TIAM2: variants seen among roughly 807,000 people sequenced by gnomAD.
TIAM2 encodes rho guanine nucleotide exchange factor TIAM2.
Under a neutral mutation model 152.9 loss-of-function variants are expected in TIAM2, and 80 were observed. The observed-to-expected ratio is 0.52, with a 90% CI of 0.44 to 0.63. The LOEUF (loss-of-function observed/expected upper bound fraction) is 0.63. Ranked by LOEUF, TIAM2 falls within the 30% of genes least tolerant of loss-of-function variation. The pLI, the probability that TIAM2 is intolerant of heterozygous loss-of-function variation, is 0.00. For missense variants in TIAM2, 1,965 were observed against 2,120.1 expected, an observed-to-expected ratio of 0.93 and a Z score of 1.44; for synonymous variants, 804 against 838.0, an observed-to-expected ratio of 0.96 and a Z score of 0.70.
chr6:155,254,508 T>C lies in TIAM2; in HGVS notation c.4403T>C (p.Leu1468Pro), dbSNP rs2115367039. 1 of 1,614,184 alleles carries C rather than the reference T, an allele frequency of 6.2e-7. No homozygotes were observed. Among genetic ancestry groups the C allele is most frequent in the East Asian group, 2.2e-5 (1 of 44,890 alleles). The part of the protein sequence containing the change: ...FRRHIKCELP[L>P]EKTCKDRLVP... ...CGTCACATAAAGTGTGAATTACCAC[T>C]GGAGAAAACGTGTAAGGATCGCCTG... is the stretch of plus-strand genomic sequence containing the variant. Residue 1468 changes from leucine to proline, a missense_variant, in exon 26 of 27, where the codon CTG (leucine) becomes CCG (proline). This residue lies in a region of TIAM2 where 935 missense variants were observed against 980.0 expected (regional missense o/e 0.95). Transcript: ENST00000682666.
chr6:155,079,126 A>T (rs1055292723), intron 1 of TIAM2, among the ~76,000 whole-genome samples: 3 of 151,628 alleles, frequency 2.0e-5, no homozygotes, highest in Non-Finnish European at 4.4e-5. Context: ...CAGTGGTGCG[A>T]TCTCGGCTCA....
intron 14 of TIAM2, among the ~76,000 whole-genome samples, chr6:155,189,909 C>A (rs74614727): frequency 0.042 from 6,460 of 152,112 alleles, 204 homozygotes; most frequent in African/African-American, 0.085. Context: ...GGCCATGGAC[C>A]TGGAGGTGTG....
At chr6:155,026,132 T>C (rs1776597305) in intron 1 of TIAM2, among the ~76,000 whole-genome samples, 2 of 152,172 alleles carry the variant, frequency 1.3e-5, no homozygotes, top group Non-Finnish European at 2.9e-5. Flanking sequence ...GGCATTCAGC[T>C]TTGTCTTCTT....
At chr6:155,179,224 A>C in intron 11 of TIAM2, 81 bp downstream of exon 11, 1 of 1,483,152 alleles carries the variant, frequency 6.7e-7, no homozygotes, top group South Asian at 1.2e-5. Context: ...TTTTTGGGGA[A>C]AATTCTGTTT....
At position 155,244,025 on chromosome 6, in the gene TIAM2, C is replaced by T. The variant is rs771015699; in HGVS notation, c.3363C>T (p.Leu1121=). 1 of 1,614,070 alleles carries T rather than the reference C, an allele frequency of 6.2e-7. No homozygotes were observed. The highest frequency in any genetic ancestry group is 8.5e-7 in the Non-Finnish European group (1 of 1,180,014). The change falls in exon 17 of 27, where the codon CTC becomes CTT. Residue 1121 remains leucine (L), a synonymous_variant. Coordinates refer to ENST00000682666, the MANE Select transcript of TIAM2 (RefSeq NM_012454.4). The part of the protein sequence containing the change: ...EKSYVKDLSC[L]FELYLEPLQN... ...TTTTCTTTCAGGATTTGAGCTGCCT[C>T]TTTGAATTATACTTGGAGCCACTTC...
At chr6:155,221,056 C>T (rs568320103) in intron 15 of TIAM2, among the ~76,000 whole-genome samples, 26 of 149,996 alleles carry the variant, frequency 1.7e-4, no homozygotes, top group Non-Finnish European at 3.5e-4. Context: ...TACTTTCCTA[C>T]CTGCCTTCCT....
intron 1 of TIAM2, among the ~76,000 whole-genome samples, chr6:155,072,126 G>T (rs551888080): frequency 4.6e-5 from 7 of 151,676 alleles, no homozygotes; most frequent in African/African-American, 1.5e-4. Flanking sequence ...TGGGAGGACA[G>T]GAGCTGGAAA....
intron 7 of TIAM2, among the ~76,000 whole-genome samples, chr6:155,161,484 A>G (rs11963582): frequency 0.017 from 2,591 of 152,238 alleles, 89 homozygotes; most frequent in African/African-American, 0.059. Context: ...TTTTAAAACT[A>G]CAGGATTCAG....
intron 1 of TIAM2, among the ~76,000 whole-genome samples, chr6:155,028,179 C>G (rs1464915863): frequency 8.6e-6 from 1 of 116,164 alleles, no homozygotes; most frequent in Non-Finnish European, 1.7e-5. Flanking sequence ...AATATATGTA[C>G]TGTGTTACAT....
At chr6:155,103,218 A>G (rs760530526) in intron 2 of TIAM2, among the ~76,000 whole-genome samples, 3 of 152,182 alleles carry the variant, frequency 2.0e-5, no homozygotes, top group South Asian at 2.1e-4. Context: ...GAAACCTTAC[A>G]TAGTTTGAAA....
At position 155,254,359 on chromosome 6, in the gene TIAM2, G is replaced by C. The variant is rs188544926; in HGVS notation, c.4314-60G>C. 4.4e-4 allele frequency: 702 copies of C among 1,582,192 alleles called. 3 individuals carry two copies. Among genetic ancestry groups the C allele is most frequent in the Middle Eastern group, 2.0e-3 (12 of 5,926 alleles). ...AGGCACAGGAACACAGGCGGGCGTG[G>C]AATGGAAGCACGATGAACACTGTGG... On this transcript the variant is annotated intron_variant, in intron 25 of 26. Coordinates refer to ENST00000682666, the MANE Select transcript of TIAM2 (RefSeq NM_012454.4).
rs368217511 is a variant in TIAM2, at chr6:155,044,863, A to G, written c.-208-45426A>G. The stretch of plus-strand genomic sequence containing the variant: ...AATAGCTCATCTTATGTCTCCGAAT[A>G]TATTATCCCTCTCTATTAACTTTGT... On this transcript the variant is annotated intron_variant, in intron 1 of 26. Transcript: ENST00000682666. Among the ~76,000 whole-genome samples, 24 of 151,524 alleles carry G rather than the reference A, an allele frequency of 1.6e-4. No homozygotes were observed. The East Asian group carries it at 3.7e-3, about 23-fold the overall frequency.
chr6:155,137,493 A>G lies in TIAM2; in HGVS notation c.1511A>G (p.Gln504Arg). ...EQLDLLFEKE[Q>R]GVVRKAGWLF... ...CTGGATCTGCTCTTTGAGAAGGAAC[A>G]GGGGGTGGTCCGGAAGGCCGGGTGG... is the stretch of plus-strand genomic sequence containing the variant. Residue 504 changes from glutamine (Q) to arginine (R), a missense_variant, in exon 5 of 27, where the codon CAG (glutamine) becomes CGG (arginine). Gln to Arg is a conservative substitution (Grantham distance 43). This residue lies in a region of TIAM2 where 1,025 missense variants were observed against 1,119.4 expected (regional missense o/e 0.92). Transcript: ENST00000682666. The G allele has an allele frequency of 6.2e-7, 1 of 1,614,164 alleles. No individual in the cohort carries two copies. The highest frequency in any genetic ancestry group is 8.5e-7 in the Non-Finnish European group (1 of 1,179,994).
chr6:155,205,539 G>A (rs890122510), intron 14 of TIAM2, among the ~76,000 whole-genome samples: 8 of 152,212 alleles, frequency 5.3e-5, no homozygotes, highest in Admixed American at 5.2e-4. Flanking sequence ...CACCTGGTGG[G>A]TGTCCAGGGA....
chr6:155,106,680 A>C (rs1177974613), intron 2 of TIAM2, among the ~76,000 whole-genome samples: 1 of 152,250 alleles, frequency 6.6e-6, no homozygotes, highest in Non-Finnish European at 1.5e-5. Context: ...CTTACTGCTA[A>C]AGGGCTTAAA....
chr6:155,209,825 G>A (rs146709001), intron 14 of TIAM2, among the ~76,000 whole-genome samples: 1 of 152,294 alleles, frequency 6.6e-6, no homozygotes, highest in Admixed American at 6.5e-5. Context: ...GTAGTGGTTG[G>A]TAATATCAGC....
intron 5 of TIAM2, among the ~76,000 whole-genome samples, chr6:155,140,697 T>C (rs1475558850): frequency 1.3e-5 from 2 of 151,646 alleles, no homozygotes; most frequent in Non-Finnish European, 2.9e-5. Context: ...GGCATAAAGA[T>C]CTAGGGATAT....
At chr6:155,139,677 C>A (rs1169990439) in intron 5 of TIAM2, among the ~76,000 whole-genome samples, 1 of 152,166 alleles carries the variant, frequency 6.6e-6, no homozygotes, top group Non-Finnish European at 1.5e-5. Flanking sequence ...TGGTGGCTCA[C>A]ACCTGTAATC....
chr6:155,134,508 A>G (rs1358718602), intron 4 of TIAM2, among the ~76,000 whole-genome samples: 2 of 148,686 alleles, frequency 1.3e-5, no homozygotes, highest in East Asian at 4.0e-4. Context: ...GGTCACACTT[A>G]ACTTTGGGAC....
Sources: gnomAD v4.1 joint callset for allele counts (sites outside exome capture counted in the v4.1 genomes callset) on GRCh38, gnomAD v4.1.1 for gene constraint, gnomAD v4.1.1 regional missense constraint, MANE v1.5 for transcripts, NCBI Gene and HGNC (gene_info 2026-07-23, HGNC 2026-07-21) for gene names.